DNAJC15: variants seen among roughly 807,000 people sequenced by gnomAD.
DNAJC15 encodes dnaJ homolog subfamily C member 15.
Under a neutral mutation model 22.4 loss-of-function variants are expected in DNAJC15, and 27 were observed. The ratio of observed to expected loss-of-function variants is 1.20; its 90% CI spans 0.89 to 1.66. The LOEUF (loss-of-function observed/expected upper bound fraction) is 1.66, where lower values mean the gene tolerates loss of function less well. Ranked by LOEUF, DNAJC15 falls within the 40% of genes most tolerant of loss-of-function variation. The pLI is 0.00. For synonymous variants in DNAJC15, 79 were observed against 63.2 expected (o/e 1.25, Z -1.19); for missense variants, 208 against 187.1 (o/e 1.11, Z -0.65).
chr13:43,024,186 C>A (rs17064045), intron 1 of DNAJC15, among the ~76,000 whole-genome samples: 1 of 151,832 alleles, frequency 6.6e-6, no homozygotes, highest in African/African-American at 2.4e-5. Context: ...GGTACCAGGA[C>A]TACTGTCTCC....
intron 5 of DNAJC15, among the ~76,000 whole-genome samples, chr13:43,097,708 C>T (rs989827162): frequency 1.6e-4 from 24 of 152,186 alleles, no homozygotes; most frequent in African/African-American, 2.9e-4. Context: ...GAGGCTGAGG[C>T]GGGGAGATCA....
chr13:43,088,002 TTGA>T (rs1209294689), intron 5 of DNAJC15, among the ~76,000 whole-genome samples: 1 of 152,188 alleles, frequency 6.6e-6, no homozygotes, highest in African/African-American at 2.4e-5. Flanking sequence ...TTTTCTTAAA[TTGA>T]TGAAGAAAGA....
intron 1 of DNAJC15, among the ~76,000 whole-genome samples, chr13:43,060,251 GGA>G (rs1437076283): frequency 1.3e-5 from 2 of 152,166 alleles, no homozygotes; most frequent in Non-Finnish European, 2.9e-5. Flanking sequence ...ACCTACAGTT[GGA>G]GAGATTCAAC....
intron 1 of DNAJC15, among the ~76,000 whole-genome samples, chr13:43,035,640 A>G (rs548629338): frequency 4.6e-5 from 7 of 152,318 alleles, no homozygotes; most frequent in South Asian, 4.2e-4. Context: ...AGAGATTTCT[A>G]TATTTTTATG....
At chr13:43,047,913 C>CTG (rs983347977) in intron 1 of DNAJC15, among the ~76,000 whole-genome samples, 1 of 152,130 alleles carries the variant, frequency 6.6e-6, no homozygotes, top group African/African-American at 2.4e-5. Flanking sequence ...GAAACCATAA[C>CTG]TGTGTAATGA....
chr13:43,078,793 G>T (rs1408272056), intron 4 of DNAJC15, 105 bp downstream of exon 4: 2 of 877,504 alleles, frequency 2.3e-6, no homozygotes, highest in Non-Finnish European at 3.3e-6. Flanking sequence ...TTATGAGTAG[G>T]TGGCAGAGGA....
At chr13:43,030,269 C>CT (rs2040398553) in intron 1 of DNAJC15, among the ~76,000 whole-genome samples, 1 of 152,126 alleles carries the variant, frequency 6.6e-6, no homozygotes, top group African/African-American at 2.4e-5. Flanking sequence ...AAGCTATAAA[C>CT]TAAGTGTGTA....
Position 43,085,807 on chromosome 13 carries a change from G to A in DNAJC15, c.351G>A (p.Arg117=). 1 of 1,613,556 alleles carries A rather than the reference G, an allele frequency of 6.2e-7. No homozygotes were observed. The highest frequency in any genetic ancestry group is 1.1e-5 in the South Asian group (1 of 90,960). ...AGKAKIRTAH[R]RVMILNHPDK... is the part of the protein sequence containing the mutation. ...AGGCTAAGATTAGAACAGCTCATAG[G>A]AGAGTCATGATTTTGAATCACCCAG... is the stretch of plus-strand genomic sequence containing the variant. Residue 117 remains arginine, a synonymous_variant, in exon 5 of 6, where the codon AGG becomes AGA. Coordinates refer to ENST00000379221, the MANE Select transcript of DNAJC15 (RefSeq NM_013238.3).
In DNAJC15 at chr13:43,107,513, G is replaced by C; in HGVS notation, c.*265G>C. The stretch of plus-strand genomic sequence containing the variant: ...ATTTTTAAGATTTTTGTTATGTTCT[G>C]AATTCCCCCCTACACACACACACAC... On this transcript the variant is annotated 3_prime_UTR_variant, in exon 6 of 6. Coordinates refer to ENST00000379221, the MANE Select transcript of DNAJC15 (RefSeq NM_013238.3). 5.3e-6 allele frequency: 1 copy of C among 188,810 alleles called. No homozygotes were observed. Among genetic ancestry groups the C allele is most frequent in the Non-Finnish European group, 9.6e-6 (1 of 103,746 alleles). The allele number at this position is 188,810 out of a possible 1,614,324, so 11.7% of individuals were successfully genotyped here.
intron 4 of DNAJC15, among the ~76,000 whole-genome samples, chr13:43,084,007 A>G (rs2040675849): frequency 6.6e-6 from 1 of 152,238 alleles, no homozygotes; most frequent in South Asian, 2.1e-4. Context: ...CCCACAGATC[A>G]GAGGTAGCAA....
chr13:43,109,811 TAACA>T lies in DNAJC15; in HGVS notation c.*2567_*2570del, dbSNP rs1423287992. ...CCAACATGGCTCATGTCTACATATG[TAACA>T]AACCTGCACGTTGTGCACATGTGCC... On this transcript the variant is annotated 3_prime_UTR_variant, in exon 6 of 6. Coordinates refer to ENST00000379221, the MANE Select transcript of DNAJC15 (RefSeq NM_013238.3). 1 of 152,172 alleles carries T rather than the reference TAACA, an allele frequency of 6.6e-6. No individual in the cohort carries two copies. Among genetic ancestry groups the T allele is most frequent in the Non-Finnish European group, 1.5e-5 (1 of 68,038 alleles). 9.4% of individuals were successfully genotyped at this position (152,172 alleles called of 1,614,324 possible).
At chr13:43,037,992 TATTTA>T (rs1258588436) in intron 1 of DNAJC15, among the ~76,000 whole-genome samples, 7 of 152,250 alleles carry the variant, frequency 4.6e-5, no homozygotes, top group Non-Finnish European at 8.8e-5. Flanking sequence ...CTCAATAATA[TATTTA>T]ATTGTTGATC....
chr13:43,049,766 ATTG>A (rs2040494456), intron 1 of DNAJC15, among the ~76,000 whole-genome samples: 1 of 152,186 alleles, frequency 6.6e-6, no homozygotes, highest in African/African-American at 2.4e-5. Context: ...TTTGAGGAGA[ATTG>A]TTACTGTTTT....
At chr13:43,060,039 T>A (rs929317653) in intron 1 of DNAJC15, among the ~76,000 whole-genome samples, 7 of 152,228 alleles carry the variant, frequency 4.6e-5, no homozygotes, top group African/African-American at 1.4e-4. Flanking sequence ...TCGGGCTATC[T>A]GGATGTATAC....
Position 43,108,909 on chromosome 13 carries a change from A to T in DNAJC15, c.*1661A>T, listed in dbSNP as rs966081932. The T allele has an allele frequency of 6.6e-6, 1 of 152,184 alleles. No homozygotes were observed. The highest frequency in any genetic ancestry group is 1.5e-5 in the Non-Finnish European group (1 of 68,024). 9.4% of individuals were successfully genotyped at this position (152,184 alleles called of 1,614,324 possible). The stretch of plus-strand genomic sequence containing the variant: ...ATATATTTCTTGCTTTAAAGTCCCC[A>T]TACGTGTCCTACTAATTTTCTCATG... On this transcript the variant is annotated 3_prime_UTR_variant, in exon 6 of 6. Transcript: ENST00000379221.
chr13:43,030,306 T>C (rs758622309), intron 1 of DNAJC15, among the ~76,000 whole-genome samples: 19 of 152,214 alleles, frequency 1.2e-4, no homozygotes, highest in Non-Finnish European at 2.8e-4. Context: ...AAACCAAGAT[T>C]GCCACCCTCA....
At chr13:43,049,170 T>C (rs1193310024) in intron 1 of DNAJC15, among the ~76,000 whole-genome samples, 1 of 152,242 alleles carries the variant, frequency 6.6e-6, no homozygotes, top group Non-Finnish European at 1.5e-5. Context: ...TCTGCAGAAT[T>C]TAACCTGGTT....
At chr13:43,059,942 G>T (rs2040550524) in intron 1 of DNAJC15, among the ~76,000 whole-genome samples, 1 of 152,204 alleles carries the variant, frequency 6.6e-6, no homozygotes, top group East Asian at 1.9e-4. Context: ...AAAGTACACT[G>T]ATCAGTTAGG....
rs188063079 is a variant in DNAJC15 at position 43,069,280 on chromosome 13, G to A, written c.234+277G>A. Among the ~76,000 whole-genome samples the A allele has an allele frequency of 4.0e-3, 608 of 152,086 alleles. 4 individuals carry two copies. The highest frequency in any genetic ancestry group is 0.014 in the African/African-American group (563 of 41,478). On this transcript the variant is annotated intron_variant, in intron 3 of 5. Coordinates refer to ENST00000379221, the MANE Select transcript of DNAJC15 (RefSeq NM_013238.3). The stretch of plus-strand genomic sequence containing the variant: ...AAATTTGATGTAACTTACTTTACCC[G>A]TTTAGTTACTGTTCATTTATTCAAT...
Sources: gnomAD v4.1 joint callset for allele counts (sites outside exome capture counted in the v4.1 genomes callset) on GRCh38, gnomAD v4.1.1 for gene constraint, MANE v1.5 for transcripts, NCBI Gene and HGNC (gene_info 2026-07-23, HGNC 2026-07-21) for gene names.